The following MYO1D variants were observed in gnomAD, a reference collection of about 807,000 sequenced individuals.
MYO1D encodes myosin ID.
A neutral mutation model predicts 122.0 loss-of-function variants in MYO1D; 83 were observed. That is an observed-to-expected ratio of 0.68 (90% confidence interval 0.57 to 0.82). The LOEUF is 0.82. Among genes scored for constraint, MYO1D ranks in the 40% least tolerant of loss-of-function variants. The pLI, the probability that MYO1D is intolerant of heterozygous loss-of-function variation, is 0.00. For synonymous variants in MYO1D, 464 were observed against 446.9 expected (o/e 1.04, Z -0.48); for missense variants, 1,157 against 1,269.5 (o/e 0.91, Z 1.35).
At chr17:32,732,072 C>A (rs1240619008) in intron 14 of MYO1D, among the ~76,000 whole-genome samples, 1 of 152,212 alleles carries the variant, frequency 6.6e-6, no homozygotes, top group African/African-American at 2.4e-5. Context: ...GATATGCCAG[C>A]CCCCTGCTAC....
chr17:32,716,235 T>C (rs528207592), intron 15 of MYO1D, among the ~76,000 whole-genome samples: 1 of 152,310 alleles, frequency 6.6e-6, no homozygotes, highest in East Asian at 1.9e-4. Context: ...CTCCTTCTCA[T>C]CCTTTAGTCT....
chr17:32,560,378 A>G (rs181640395), intron 21 of MYO1D, among the ~76,000 whole-genome samples: 178 of 151,562 alleles, frequency 1.2e-3, no homozygotes, highest in Middle Eastern at 3.4e-3. Flanking sequence ...TCATATGACT[A>G]TGGCAGGTTA....
intron 1 of MYO1D, among the ~76,000 whole-genome samples, chr17:32,864,007 C>CTTTTCTTTTTTTTTTTTTTTTTTTTT (rs2091100932): frequency 2.0e-5 from 1 of 48,960 alleles, no homozygotes; most frequent in African/African-American, 1.0e-4. Context: ...ACATTTCTTC[C>CTTTTCTTTTTTTTTTTTTTTTTTTTT]TTTTTTTTTT....
At chr17:32,814,190 A>G (rs2090595131) in intron 1 of MYO1D, among the ~76,000 whole-genome samples, 1 of 152,076 alleles carries the variant, frequency 6.6e-6, no homozygotes, top group Non-Finnish European at 1.5e-5. Context: ...CTAAAATTAC[A>G]AAAAATAGCT....
intron 1 of MYO1D, 58 bp downstream of exon 1, chr17:32,876,720 C>T: frequency 7.2e-7 from 1 of 1,395,206 alleles, no homozygotes. Context: ...CGCCCCGAGG[C>T]GCCCCCTCTC....
rs140792850 is a variant in MYO1D, at chr17:32,847,586, C to T, written c.95+29192G>A. On this transcript the variant is annotated intron_variant, in intron 1 of 21. Transcript: ENST00000318217. Reference sequence around the variant, plus strand: ...CTGGAGTGCAGTGGCACAATCTCAGCTCATTGCAATCTCCACCTCTGGGGT... The same window carrying T: ...CTGGAGTGCAGTGGCACAATCTCAGTTCATTGCAATCTCCACCTCTGGGGT... 5.4e-4 allele frequency among the ~76,000 whole-genome samples: 83 copies of T among 152,332 alleles called. 2 individuals are homozygous for T. The East Asian group carries it at 0.015, about 28-fold the overall frequency.
At chr17:32,657,123 T>G (rs2088487726) in intron 17 of MYO1D, among the ~76,000 whole-genome samples, 1 of 152,026 alleles carries the variant, frequency 6.6e-6, no homozygotes, top group African/African-American at 2.4e-5. Flanking sequence ...CTCAATGACA[T>G]GAAAAGGGGA....
chr17:32,823,607 A>G (rs987277839), intron 1 of MYO1D, among the ~76,000 whole-genome samples: 7 of 152,216 alleles, frequency 4.6e-5, no homozygotes, highest in African/African-American at 1.7e-4. Flanking sequence ...AACTGATAAT[A>G]GTAATATAAG....
rs1164482085 is a variant in MYO1D, at chr17:32,628,346, T to A, written c.2709+10376A>T. Among the ~76,000 whole-genome samples, 2 of 152,228 alleles carry A rather than the reference T, an allele frequency of 1.3e-5. 1 individual carries two copies. Among genetic ancestry groups the A allele is most frequent in the Non-Finnish European group, 2.9e-5 (2 of 68,044 alleles). On this transcript the variant is annotated intron_variant, in intron 20 of 21. Transcript: ENST00000318217. ...TACATAGAAAGGGGTCACCCGTAAC[T>A]TAATGTTTCATGTTGTTTACAATTA...
intron 5 of MYO1D, among the ~76,000 whole-genome samples, 192 bp from the exon 6 acceptor site, chr17:32,771,412 G>A (rs2090111753): frequency 6.6e-6 from 1 of 152,064 alleles, no homozygotes; most frequent in Non-Finnish European, 1.5e-5. Context: ...CAGTTACAGA[G>A]AATGTTATGC....
chr17:32,845,156 C>T lies in MYO1D; in HGVS notation c.95+31622G>A, dbSNP rs140021018. Among the ~76,000 whole-genome samples the T allele has an allele frequency of 1.6e-3, 248 of 151,664 alleles. 1 individual carries two copies. Among genetic ancestry groups the T allele is most frequent in the African/African-American group, 5.7e-3 (234 of 41,388 alleles). Reference sequence around the variant, plus strand: ...TCTTTGTAACTTTCTATTTTGACTCCCTTTTTAAAAAAATTAAGACCACAT... The same window carrying T: ...TCTTTGTAACTTTCTATTTTGACTCTCTTTTTAAAAAAATTAAGACCACAT... On this transcript the variant is annotated intron_variant, in intron 1 of 21. Coordinates refer to ENST00000318217, the MANE Select transcript of MYO1D (RefSeq NM_015194.3).
In MYO1D at chr17:32,877,124, T is replaced by G; in HGVS notation, c.-252A>C. On this transcript the variant is annotated 5_prime_UTR_variant, in exon 1 of 22. Coordinates refer to ENST00000318217, the MANE Select transcript of MYO1D (RefSeq NM_015194.3). ...CTCCCGCCGCGGCTGCCGGGCGCTG[T>G]AGGGGCCGGGACACCGAGACGGAGA... 5.4e-6 allele frequency: 1 copy of G among 183,820 alleles called. No individual in the cohort carries two copies. Among genetic ancestry groups the G allele is most frequent in the Non-Finnish European group, 1.1e-5 (1 of 89,750 alleles). 11.4% of individuals were successfully genotyped at this position (183,820 alleles called of 1,614,324 possible).
chr17:32,772,975 T>C (rs2090133004), intron 4 of MYO1D, 133 bp from the exon 5 acceptor site: 4 of 710,516 alleles, frequency 5.6e-6, no homozygotes, highest in Non-Finnish European at 1.0e-5. Flanking sequence ...CTGAAGCAAC[T>C]GAAGAATCAC....
At chr17:32,762,548 T>C (rs964237880) in intron 8 of MYO1D, among the ~76,000 whole-genome samples, 3 of 152,244 alleles carry the variant, frequency 2.0e-5, no homozygotes, top group African/African-American at 7.2e-5. Context: ...CCCCATAACA[T>C]TCTCCATACT....
chr17:32,756,230 C>T (rs999307523), intron 10 of MYO1D: 3 of 227,964 alleles, frequency 1.3e-5, no homozygotes, highest in Non-Finnish European at 1.7e-5. Flanking sequence ...TAATGTGTCA[C>T]GCATGCAGAT....
intron 21 of MYO1D, among the ~76,000 whole-genome samples, chr17:32,544,305 T>C (rs1315389698): frequency 6.6e-6 from 1 of 152,014 alleles, no homozygotes; most frequent in African/African-American, 2.4e-5. Context: ...CTCACTATGT[T>C]GCCCAGGCTG....
intron 1 of MYO1D, among the ~76,000 whole-genome samples, chr17:32,828,537 A>G (rs1355687166): frequency 2.7e-5 from 4 of 150,840 alleles, no homozygotes; most frequent in African/African-American, 9.7e-5. Flanking sequence ...AAAAAAAAAA[A>G]AAGAAAGAAG....
At chr17:32,817,530 T>C (rs1162667093) in intron 1 of MYO1D, among the ~76,000 whole-genome samples, 1 of 152,204 alleles carries the variant, frequency 6.6e-6, no homozygotes, top group African/African-American at 2.4e-5. Context: ...GTTACCATTT[T>C]CAAGGAAAGT....
intron 21 of MYO1D, among the ~76,000 whole-genome samples, chr17:32,511,067 C>G (rs746130115): frequency 6.6e-6 from 1 of 152,076 alleles, no homozygotes; most frequent in African/African-American, 2.4e-5. Flanking sequence ...CTCAGTGGGA[C>G]GCCTGGGCCA....
Sources: gnomAD v4.1 joint callset for allele counts (sites outside exome capture counted in the v4.1 genomes callset) on GRCh38, gnomAD v4.1.1 for gene constraint, MANE v1.5 for transcripts, NCBI Gene and HGNC (gene_info 2026-07-23, HGNC 2026-07-21) for gene names.